Variants in PTPRN2 observed in about 807,000 individuals in gnomAD.
The protein encoded by PTPRN2 is receptor-type tyrosine-protein phosphatase N2.
In PTPRN2, 74 loss-of-function variants were observed where a neutral mutation model predicts 118.8. The ratio of observed to expected loss-of-function variants is 0.62; its 90% confidence interval spans 0.52 to 0.76. The LOEUF is 0.76. Ranked by LOEUF, PTPRN2 falls within the 30% of genes least tolerant of loss-of-function variation. The probability of loss-of-function intolerance (pLI) is 0.00; values close to 1 mark genes in which losing one functional copy is unlikely to be tolerated. For missense variants in PTPRN2, 1,481 were observed against 1,394.4 expected (o/e 1.06, Z -0.99); for synonymous variants, 641 against 608.0 (o/e 1.05, Z -0.80).
At chr7:157,543,864 C>A (rs1282268746) in intron 22 of PTPRN2, among the ~76,000 whole-genome samples, 1 of 152,210 alleles carries the variant, frequency 6.6e-6, no homozygotes, top group Non-Finnish European at 1.5e-5. Flanking sequence ...AAGCTCCAAG[C>A]CACACCGTGA....
In PTPRN2 at chr7:158,546,380, G is replaced by T. The variant is rs960387698; in HGVS notation, c.112+41178C>A. 1.3e-5 allele frequency among the ~76,000 whole-genome samples: 2 copies of T among 152,246 alleles called. No individual in the cohort carries two copies. Among genetic ancestry groups the T allele is most frequent in the Non-Finnish European group, 2.9e-5 (2 of 68,040 alleles). The stretch of plus-strand genomic sequence containing the variant: ...TCAAAGGGAATCCCTCCCAGGGGAG[G>T]ACGGACTGAGCTCTCAGAGTCCTTT... On this transcript the variant is annotated intron_variant, in intron 1 of 22. Coordinates refer to ENST00000389418, the MANE Select transcript of PTPRN2 (RefSeq NM_002847.5). This position sits in a 1 kb window ranked among gnomAD's most constrained non-coding sequence, Gnocchi z 5.0.
chr7:158,213,273 G>C (rs933030731), intron 3 of PTPRN2, among the ~76,000 whole-genome samples: 1 of 148,168 alleles, frequency 6.7e-6, no homozygotes, highest in Non-Finnish European at 1.5e-5. Flanking sequence ...TCCAGAACAT[G>C]ATGAGAACCA....
intron 3 of PTPRN2, among the ~76,000 whole-genome samples, chr7:158,286,699 T>C (rs559127465): frequency 1.9e-4 from 29 of 152,328 alleles, no homozygotes; most frequent in Admixed American, 7.8e-4. Context: ...CAGGGATAAA[T>C]CCCAGTTGAT....
intron 10 of PTPRN2, among the ~76,000 whole-genome samples, chr7:158,108,867 G>A (rs117133158): frequency 0.016 from 2,458 of 152,378 alleles, 37 homozygotes; most frequent in Non-Finnish European, 0.028. Context: ...CAGGTGCCCA[G>A]TGAGCATCTG....
chr7:157,542,397 G>A (rs913579310), intron 22 of PTPRN2, among the ~76,000 whole-genome samples: 1 of 151,540 alleles, frequency 6.6e-6, no homozygotes, highest in Non-Finnish European at 1.5e-5. Context: ...TACATCTTCC[G>A]ACACACTGGA....
intron 2 of PTPRN2, among the ~76,000 whole-genome samples, chr7:158,336,225 C>A (rs1356515923): frequency 1.4e-5 from 1 of 71,740 alleles, no homozygotes; most frequent in Non-Finnish European, 2.8e-5. Flanking sequence ...CCGACGCCCG[C>A]AGACATCACT....
chr7:157,902,180 T>G (rs10280879), intron 11 of PTPRN2, among the ~76,000 whole-genome samples: 2 of 152,196 alleles, frequency 1.3e-5, no homozygotes, highest in African/African-American at 2.4e-5. Flanking sequence ...CACTTTCCAC[T>G]GGGCCTCCTG....
At chr7:158,048,878 CCACCACCAT>C (rs956074708) in intron 11 of PTPRN2, among the ~76,000 whole-genome samples, 3 of 151,026 alleles carry the variant, frequency 2.0e-5, no homozygotes, top group African/African-American at 7.3e-5. Flanking sequence ...CATCACATTA[CCACCACCAT>C]CACCATCATC....
At chr7:158,386,880 T>C (rs1563068) in intron 2 of PTPRN2, among the ~76,000 whole-genome samples, 126,145 of 152,108 alleles carry the variant, frequency 0.83, 53,445 homozygotes, top group East Asian at 0.93. Context: ...GTGTTAGCAA[T>C]CTGCCACCCT....
chr7:158,258,134 C>T (rs964684021), intron 3 of PTPRN2, among the ~76,000 whole-genome samples: 1 of 152,234 alleles, frequency 6.6e-6, no homozygotes, highest in Admixed American at 6.5e-5. Context: ...CACGTAAGAA[C>T]AGCTCACAGC....
chr7:158,516,552 AGTTCTTGGTGCT>A (rs757773978), intron 1 of PTPRN2, among the ~76,000 whole-genome samples: 73 of 110,796 alleles, frequency 6.6e-4, no homozygotes, highest in Admixed American at 1.3e-3. Context: ...TTCTGCCTAT[AGTTCTTGGTGCT>A]GTTCTTGGTG....
chr7:158,154,082 C>G (rs1821471825), intron 6 of PTPRN2, among the ~76,000 whole-genome samples: 1 of 152,196 alleles, frequency 6.6e-6, no homozygotes, highest in South Asian at 2.1e-4. Context: ...CCCACACTGC[C>G]ATGTTTGGTC....
At chr7:157,828,180 G>A (rs1012856904) in intron 12 of PTPRN2, among the ~76,000 whole-genome samples, 1 of 152,234 alleles carries the variant, frequency 6.6e-6, no homozygotes, top group African/African-American at 2.4e-5. Flanking sequence ...GGAAGATGGT[G>A]GGAGGTCCTC....
rs1351065672 is a variant in PTPRN2, at chr7:157,881,664, C to A, written c.1788+17009G>T. 6.6e-6 allele frequency among the ~76,000 whole-genome samples: 1 copy of A among 151,852 alleles called. No homozygotes were observed. The highest frequency in any genetic ancestry group is 2.4e-5 in the African/African-American group (1 of 41,310). On this transcript the variant is annotated intron_variant, in intron 12 of 22. Coordinates refer to ENST00000389418, the MANE Select transcript of PTPRN2 (RefSeq NM_002847.5). The surrounding 1 kb of genome is among the most constrained non-coding windows in gnomAD (Gnocchi z 4.7). ...GAGAAAGGAGAGGATTTCCTGTTTT[C>A]GTGGAACGTTAAGTCCAAGTGCTTG...
chr7:158,331,088 T>C (rs1362854323), intron 2 of PTPRN2, among the ~76,000 whole-genome samples: 12 of 143,226 alleles, frequency 8.4e-5, no homozygotes, highest in Middle Eastern at 4.0e-3. Flanking sequence ...CCATAAGAGC[T>C]GATGCCCGCA....
At chr7:158,146,188 C>A (rs1161890170) in intron 6 of PTPRN2, among the ~76,000 whole-genome samples, 1 of 152,138 alleles carries the variant, frequency 6.6e-6, no homozygotes, top group Non-Finnish European at 1.5e-5. Flanking sequence ...GATGCTCAGT[C>A]ACACAAGCTG....
chr7:157,746,863 G>A (rs1203909098), intron 12 of PTPRN2, among the ~76,000 whole-genome samples: 2 of 152,210 alleles, frequency 1.3e-5, no homozygotes, highest in African/African-American at 4.8e-5. Flanking sequence ...GGCAGTTGAG[G>A]TGATTCTGAG....
At chr7:158,226,538 C>T (rs1023587998) in intron 3 of PTPRN2, among the ~76,000 whole-genome samples, 4 of 152,066 alleles carry the variant, frequency 2.6e-5, no homozygotes, top group Non-Finnish European at 5.9e-5. Flanking sequence ...GAAACGGAGG[C>T]GGCAGAGCAA....
intron 3 of PTPRN2, among the ~76,000 whole-genome samples, chr7:158,306,214 C>T (rs1009011045): frequency 3.3e-5 from 5 of 152,200 alleles, no homozygotes; most frequent in Admixed American, 3.3e-4. Flanking sequence ...ATAGGCTAAC[C>T]AGAAAGCTTG....
Sources: gnomAD v4.1 joint callset for allele counts (sites outside exome capture counted in the v4.1 genomes callset) on GRCh38, gnomAD v4.1.1 for gene constraint, Gnocchi (gnomAD v3.1) non-coding constraint, MANE v1.5 for transcripts, NCBI Gene and HGNC (gene_info 2026-07-23, HGNC 2026-07-21) for gene names.